FREM2: variants seen among roughly 807,000 people sequenced by gnomAD.
The protein encoded by FREM2 is FRAS1 related extracellular matrix 2.
FREM2 carries 119 observed loss-of-function variants against 219.9 expected under a neutral mutation model. That is an observed-to-expected ratio of 0.54 (90% confidence interval 0.47 to 0.63). The LOEUF is 0.63. FREM2 is among the 30% of genes least tolerant of loss of function. The pLI is 0.00. For missense variants in FREM2, 4,030 were observed against 3,993.6 expected (o/e 1.01, Z -0.25); for synonymous variants, 1,562 against 1,522.8 (o/e 1.03, Z -0.60).
chr13:38,850,325 T>A, intron 9 of FREM2, 90 bp downstream of exon 9: 1 of 1,048,416 alleles, frequency 9.5e-7, no homozygotes, highest in Non-Finnish European at 1.5e-6. Context: ...AGTTCCTCGA[T>A]ATCAACAAGC....
rs867180454 is a variant in FREM2 at position 38,784,490 on chromosome 13, A to T, written c.5768-67A>T. The T allele has an allele frequency of 4.5e-6, 7 of 1,572,016 alleles. No homozygotes were observed. The Middle Eastern group carries it at 8.4e-4, about 188-fold the overall frequency. On this transcript the variant is annotated intron_variant, in intron 5 of 23. Transcript: ENST00000280481. The stretch of plus-strand genomic sequence containing the variant: ...CATTAAAATGCTGTGTATGAAAATA[A>T]TTGTGTCTGGAAATATCTTTGTCTT...
chr13:38,696,679 G>A (rs1870119405), intron 1 of FREM2, among the ~76,000 whole-genome samples: 1 of 152,164 alleles, frequency 6.6e-6, no homozygotes, highest in Non-Finnish European at 1.5e-5. Context: ...TGGTAAGATG[G>A]ATGAATAAGT....
chr13:38,758,896 A>G (rs1873121916), intron 2 of FREM2, among the ~76,000 whole-genome samples: 1 of 152,186 alleles, frequency 6.6e-6, no homozygotes, highest in African/African-American at 2.4e-5. Context: ...TGCCCAGTGC[A>G]GTGGCTTACA....
At position 38,729,805 on chromosome 13, in the gene FREM2, T is replaced by C. The variant is rs537094651; in HGVS notation, c.5263+32018T>C. ...GGTGCATAATTAGAGTATTTAAACT[T>C]GTATTCCATAGAGTGAGTTAGTAAC... On this transcript the variant is annotated intron_variant, in intron 2 of 23. Coordinates refer to ENST00000280481, the MANE Select transcript of FREM2 (RefSeq NM_207361.6). Among the ~76,000 whole-genome samples the C allele has an allele frequency of 4.6e-5, 7 of 152,316 alleles. No individual in the cohort carries two copies. The South Asian group carries it at 1.4e-3, about 32-fold the overall frequency.
rs548376066 is a variant in FREM2 at position 38,713,715 on chromosome 13, C to T, written c.5263+15928C>T. Among the ~76,000 whole-genome samples the T allele has an allele frequency of 5.9e-5, 9 of 152,310 alleles. No homozygotes were observed. The South Asian group carries it at 1.9e-3, about 32-fold the overall frequency. On this transcript the variant is annotated intron_variant, in intron 2 of 23. Coordinates refer to ENST00000280481, the MANE Select transcript of FREM2 (RefSeq NM_207361.6). ...CAAAGTATAATTTCATGTTCCTCTA[C>T]TTACTTTTAAAGCACCACTCATACA...
At chr13:38,745,725 G>A (rs1872453013) in intron 2 of FREM2, among the ~76,000 whole-genome samples, 1 of 152,182 alleles carries the variant, frequency 6.6e-6, no homozygotes, top group South Asian at 2.1e-4. Flanking sequence ...GATTCTGTGA[G>A]CTTTCTGGTT....
At chr13:38,868,665 G>A (rs566288250) in intron 16 of FREM2, among the ~76,000 whole-genome samples, 133 of 152,254 alleles carry the variant, frequency 8.7e-4, no homozygotes, top group Non-Finnish European at 1.5e-3. Context: ...TTGGTAAAAC[G>A]GTGCAAATCC....
Position 38,856,274 on chromosome 13 carries a change from T to A in FREM2, c.7056+18T>A. 6 of 1,608,438 alleles carry A rather than the reference T, an allele frequency of 3.7e-6. No homozygotes were observed. Among genetic ancestry groups the A allele is most frequent in the Non-Finnish European group, 4.3e-6 (5 of 1,175,824 alleles). On this transcript the variant is annotated intron_variant, in intron 12 of 23. Transcript: ENST00000280481. ...AGATGCAGGTAAGTAATGTAATGTG[T>A]ATGTAAATTCATGGCTAGCAGTTTG...
At chr13:38,746,951 C>T (rs1237884389) in intron 2 of FREM2, among the ~76,000 whole-genome samples, 3 of 152,148 alleles carry the variant, frequency 2.0e-5, no homozygotes, top group Non-Finnish European at 2.9e-5. Context: ...TTCCAAACAC[C>T]GGCCAGGTTG....
intron 4 of FREM2, among the ~76,000 whole-genome samples, chr13:38,781,922 G>A (rs1022598783): frequency 2.6e-5 from 4 of 152,160 alleles, no homozygotes; most frequent in African/African-American, 9.7e-5. Context: ...TGGAGGGTGT[G>A]CAGCCAGCTC....
intron 1 of FREM2, among the ~76,000 whole-genome samples, chr13:38,695,337 A>G (rs1205316535): frequency 6.6e-6 from 1 of 152,164 alleles, no homozygotes; most frequent in African/African-American, 2.4e-5. Context: ...AAAAGGTTTT[A>G]GTATGTTCCA....
chr13:38,804,491 TG>T (rs572094438), intron 6 of FREM2, among the ~76,000 whole-genome samples: 263 of 152,038 alleles, frequency 1.7e-3, no homozygotes, highest in South Asian at 0.013. Context: ...ATACGGTATG[TG>T]GGGGGATACA....
At chr13:38,824,136 T>C (rs576658243) in intron 6 of FREM2, among the ~76,000 whole-genome samples, 99 of 152,140 alleles carry the variant, frequency 6.5e-4, no homozygotes, top group Non-Finnish European at 1.2e-3. Flanking sequence ...AGTGGTAGTA[T>C]TGTGGGAAAG....
chr13:38,739,258 A>G (rs1474822940), intron 2 of FREM2, among the ~76,000 whole-genome samples: 1 of 152,234 alleles, frequency 6.6e-6, no homozygotes, highest in East Asian at 1.9e-4. Context: ...GGAAAAAGAT[A>G]AAGGAAGACA....
intron 6 of FREM2, among the ~76,000 whole-genome samples, chr13:38,841,605 C>G (rs1178735929): frequency 6.6e-6 from 1 of 151,872 alleles, no homozygotes; most frequent in Non-Finnish European, 1.5e-5. Flanking sequence ...TTTTGATTCA[C>G]TTTTCCTTCC....
chr13:38,709,145 A>G (rs957128078), intron 2 of FREM2, among the ~76,000 whole-genome samples: 3 of 152,132 alleles, frequency 2.0e-5, no homozygotes, highest in Non-Finnish European at 1.5e-5. Context: ...CATGCTGCCT[A>G]CTCAGGATTC....
At chr13:38,732,888 T>G (rs2496451) in intron 2 of FREM2, among the ~76,000 whole-genome samples, 82,202 of 152,030 alleles carry the variant, frequency 0.54, 25,389 homozygotes, top group Non-Finnish European at 0.69. Flanking sequence ...CTCACTGGCT[T>G]GGTAAATAGT....
At chr13:38,860,143 A>G (rs1280838609) in intron 14 of FREM2, among the ~76,000 whole-genome samples, 1 of 152,198 alleles carries the variant, frequency 6.6e-6, no homozygotes, top group East Asian at 1.9e-4. Context: ...CAAGGCTCAG[A>G]TCTGAACAGA....
chr13:38,741,911 A>G (rs879444826), intron 2 of FREM2, among the ~76,000 whole-genome samples: 6 of 152,178 alleles, frequency 3.9e-5, no homozygotes, highest in African/African-American at 1.4e-4. Context: ...AGGCTTTTCT[A>G]TGTACTTTTT....
Sources: gnomAD v4.1 joint callset for allele counts (sites outside exome capture counted in the v4.1 genomes callset) on GRCh38, gnomAD v4.1.1 for gene constraint, MANE v1.5 for transcripts, NCBI Gene and HGNC (gene_info 2026-07-23, HGNC 2026-07-21) for gene names.